SPC25: variants seen among roughly 807,000 people sequenced by gnomAD.
The protein encoded by SPC25 is SPC25 component of NDC80 kinetochore complex, also known as kinetochore protein Spc25.
A neutral mutation model predicts 29.6 loss-of-function variants in SPC25; 22 were observed. That is an observed-to-expected ratio of 0.74 (90% confidence interval 0.53 to 1.06). The LOEUF (loss-of-function observed/expected upper bound fraction) is 1.06, where lower values mean the gene tolerates loss of function less well. SPC25 is among the 50% of genes least tolerant of loss of function. The pLI, the probability that SPC25 is intolerant of heterozygous loss-of-function variation, is 0.00. For synonymous variants in SPC25, 91 were observed against 90.4 expected (o/e 1.01, Z -0.04); for missense variants, 230 against 255.8 (o/e 0.90, Z 0.69).
At chr2:168,884,124 G>A (rs1265209696) in intron 3 of SPC25, among the ~76,000 whole-genome samples, 2 of 152,030 alleles carry the variant, frequency 1.3e-5, no homozygotes, top group Non-Finnish European at 2.9e-5. Context: ...TCCCAGGACC[G>A]ACATTTCAAA....
chr2:168,889,364 T>C lies in SPC25; in HGVS notation c.133+23A>G, dbSNP rs766758192. On this transcript the variant is annotated intron_variant, in intron 2 of 6. Transcript: ENST00000282074. Reference sequence around the variant, plus strand: ...ATAAACTAGAACAGCAAAACCAGCATGTTACAAGTTAACACTAGGTACCTG... The same window carrying C: ...ATAAACTAGAACAGCAAAACCAGCACGTTACAAGTTAACACTAGGTACCTG... The C allele has an allele frequency of 3.1e-6, 5 of 1,613,792 alleles. No individual in the cohort carries two copies. The South Asian group carries it at 3.3e-5, about 11-fold the overall frequency.
downstream of SPC25, among the ~76,000 whole-genome samples, chr2:168,867,043 C>A (rs1159376735): frequency 1.3e-5 from 2 of 152,118 alleles, 1 homozygote; most frequent in South Asian, 4.1e-4. Flanking sequence ...TAAACTAGTT[C>A]AACCATTGTG....
At chr2:168,876,617 G>A (rs1386491686) in intron 4 of SPC25, among the ~76,000 whole-genome samples, 2 of 106,566 alleles carry the variant, frequency 1.9e-5, no homozygotes, top group Non-Finnish European at 4.0e-5. Context: ...TTTTTTTTAA[G>A]TTAGCACAAT....
intron 3 of SPC25, 126 bp downstream of exon 3, chr2:168,889,100 T>TATATACACACACACAAC (rs1292360506): frequency 9.9e-5 from 50 of 506,360 alleles, no homozygotes; most frequent in African/African-American, 8.3e-4. Flanking sequence ...TACACATATA[T>TATATACACACACACAAC]ATATACACAC....
chr2:168,862,859 A>G (rs945846996), intron 4 of SPC25, among the ~76,000 whole-genome samples: 1 of 152,238 alleles, frequency 6.6e-6, no homozygotes, highest in African/African-American at 2.4e-5. Flanking sequence ...TGGGAGAAAG[A>G]ATATTATCCA....
rs902371841 is a variant in SPC25 at position 168,884,062 on chromosome 2, C to T, written c.199+5164G>A. ...AGGACTACAGGTGTGAGCCACTGCA[C>T]CTGGCCTGCTGTGTGACTATTATTA... On this transcript the variant is annotated intron_variant, in intron 3 of 6. Transcript: ENST00000282074. Among the ~76,000 whole-genome samples, 16 of 152,316 alleles carry T rather than the reference C, an allele frequency of 1.1e-4. 1 individual carries two copies. Among genetic ancestry groups the T allele is most frequent in the African/African-American group, 3.6e-4 (15 of 41,568 alleles).
At chr2:168,885,469 T>A (rs1396238626) in intron 3 of SPC25, among the ~76,000 whole-genome samples, 1 of 152,202 alleles carries the variant, frequency 6.6e-6, no homozygotes, top group East Asian at 1.9e-4. Context: ...ATAAATCCAA[T>A]ATCATTTTCC....
At chr2:168,874,982 C>A (rs908885632) in intron 5 of SPC25, among the ~76,000 whole-genome samples, 18 of 152,150 alleles carry the variant, frequency 1.2e-4, no homozygotes, top group African/African-American at 3.9e-4. Context: ...TGAGAGTGAT[C>A]TTGGGAAGCC....
In SPC25 at chr2:168,877,323, A is replaced by G. The variant is rs1191788770; in HGVS notation, c.261T>C (p.Ala87=). The change falls in exon 4 of 7, where the codon GCT becomes GCC. Residue 87 remains alanine (A), a synonymous_variant. Transcript: ENST00000282074. ...ATTCCTGCTTTTTGCCTTTTACTTCAGCAATCAATTTTAACAAGTTATCCT... is the reference window on the plus strand; with the variant it reads ...ATTCCTGCTTTTTGCCTTTTACTTCGGCAATCAATTTTAACAAGTTATCCT... ...EKKDNLLKLI[A]EVKGKKQELE... 2 of 1,613,818 alleles carry G rather than the reference A, an allele frequency of 1.2e-6. No homozygotes were observed. Among genetic ancestry groups the G allele is most frequent in the Middle Eastern group, 1.7e-4 (1 of 6,052 alleles).
At chr2:168,887,202 CCT>C (rs1272868372) in intron 3 of SPC25, among the ~76,000 whole-genome samples, 1 of 151,948 alleles carries the variant, frequency 6.6e-6, no homozygotes, top group Non-Finnish European at 1.5e-5. Context: ...GGGCAGATCA[CCT>C]AAGGTCAGGA....
At chr2:168,876,841 A>G (rs1690095890) in intron 4 of SPC25, among the ~76,000 whole-genome samples, 3 of 152,166 alleles carry the variant, frequency 2.0e-5, no homozygotes, top group Admixed American at 1.3e-4. Flanking sequence ...TTCTTTATAC[A>G]TAAGAGATTT....
chr2:168,889,715 A>G (rs544509394), intron 1 of SPC25, among the ~76,000 whole-genome samples, 182 bp from the exon 2 acceptor site: 14 of 152,284 alleles, frequency 9.2e-5, no homozygotes, highest in Non-Finnish European at 2.9e-5. Context: ...ACGTGCAGCA[A>G]TAATTCAGGA....
chr2:168,866,781 A>AG (rs1214681271), downstream of SPC25, among the ~76,000 whole-genome samples: 1 of 35,074 alleles, frequency 2.9e-5, no homozygotes, highest in African/African-American at 3.3e-4. Flanking sequence ...AATTTACAAG[A>AG]AAAAAACAAC....
At chr2:168,861,865 A>T in intron 4 of SPC25, 1 of 1,103,046 alleles carries the variant, frequency 9.1e-7, no homozygotes, top group East Asian at 2.4e-5. Context: ...AATATATTGA[A>T]ACTCTGCATC....
chr2:168,887,502 C>A (rs1690291194), intron 3 of SPC25, among the ~76,000 whole-genome samples: 3 of 151,796 alleles, frequency 2.0e-5, no homozygotes, highest in Non-Finnish European at 2.9e-5. Flanking sequence ...ACTGGGGTAA[C>A]AAAGTCAAAT....
At chr2:168,864,591 G>C (rs375619207) in intron 4 of SPC25, among the ~76,000 whole-genome samples, 11 of 152,256 alleles carry the variant, frequency 7.2e-5, no homozygotes, top group Admixed American at 3.3e-4. Flanking sequence ...AGCCAATCCT[G>C]TCTTTAAGCA....
In SPC25 at chr2:168,871,506, A is replaced by G. The variant is rs775720574; in HGVS notation, c.600T>C (p.Asn200=). The change falls in exon 7 of 7, where the codon AAT becomes AAC. Residue 200 remains asparagine, a synonymous_variant. Transcript: ENST00000282074. ...CTGAAAAATTGTTGGTCTTCCTTAC[A>G]TTCTCTTGAAATTCTGCTAGGCCCT... is the stretch of plus-strand genomic sequence containing the variant. ...HLEGLAEFQE[N]VRKTNNFSAF... The G allele has an allele frequency of 1.1e-5, 17 of 1,609,848 alleles. No individual in the cohort carries two copies. In the African/African-American group the frequency reaches 2.0e-4, roughly 19 times the overall value.
At chr2:168,864,962 A>C (rs759638259) in intron 4 of SPC25, 1 of 1,614,046 alleles carries the variant, frequency 6.2e-7, no homozygotes, top group Non-Finnish European at 8.5e-7. Context: ...CACAGCTACA[A>C]AGGCATAAAA....
intron 3 of SPC25, among the ~76,000 whole-genome samples, chr2:168,887,153 G>C (rs1020755747): frequency 5.3e-5 from 8 of 152,118 alleles, no homozygotes; most frequent in Non-Finnish European, 8.8e-5. Flanking sequence ...GGTTGCAGTG[G>C]CTCATGCCTG....
Sources: allele counts gnomAD v4.1 joint callset (sites outside exome capture counted in the v4.1 genomes callset), GRCh38; gene constraint gnomAD v4.1.1; transcripts MANE v1.5; gene names NCBI Gene and HGNC (gene_info 2026-07-23, HGNC 2026-07-21).